Variants in UNC13B observed in about 807,000 individuals in gnomAD.
The protein encoded by UNC13B is unc-13 homolog B.
In UNC13B, 144 loss-of-function variants were observed where a neutral mutation model predicts 211.0. The observed-to-expected ratio is 0.68, with a 90% CI of 0.60 to 0.78. The LOEUF is 0.78. UNC13B is among the 30% of genes least tolerant of loss of function. UNC13B has a pLI of 0.00. For synonymous variants in UNC13B, 709 were observed against 725.8 expected, an observed-to-expected ratio of 0.98 and a Z score of 0.37; for missense variants, 1,777 against 2,002.0, an observed-to-expected ratio of 0.89 and a Z score of 2.14.
intron 37 of UNC13B, among the ~76,000 whole-genome samples, chr9:35,402,267 G>C (rs1280037443): frequency 6.6e-6 from 1 of 151,428 alleles, no homozygotes; most frequent in African/African-American, 2.4e-5. Flanking sequence ...GATTGTGGTG[G>C]TGTTTTCTTT....
At position 35,402,091 on chromosome 9, in the gene UNC13B, G is replaced by T; in HGVS notation, c.12485-1076G>T. ...CTAGAATGAGCAACTCGTGCTGGGG[G>T]TGGGGGAACAAGCTGTCAAGGTTTA... is the stretch of plus-strand genomic sequence containing the variant. On this transcript the variant is annotated intron_variant, in intron 37 of 39. Transcript: ENST00000635942. The T allele has an allele frequency of 4.5e-6, 6 of 1,333,152 alleles. No homozygotes were observed. In the South Asian group the frequency reaches 7.7e-5, roughly 17 times the overall value. 82.6% of individuals were successfully genotyped at this position (1,333,152 alleles called of 1,614,324 possible). A position where few individuals can be genotyped will look rare whatever the true frequency, so the allele number is the denominator to read the frequency against.
intron 1 of UNC13B, among the ~76,000 whole-genome samples, chr9:35,206,831 G>A (rs566403723): frequency 6.9e-5 from 10 of 145,236 alleles, no homozygotes; most frequent in East Asian, 2.0e-4. Context: ...CTGAGATCGC[G>A]CCACTGCACT....
rs556687609 is a variant in UNC13B at position 35,335,694 on chromosome 9, C to CT, written c.9414+21720dup. Among the ~76,000 whole-genome samples the CT allele has an allele frequency of 2.2e-3, 305 of 139,502 alleles. 1 individual carries two copies. The highest frequency in any genetic ancestry group is 4.4e-3 in the African/African-American group (170 of 38,374). 91.5% of individuals were successfully genotyped at this position (139,502 alleles called of 152,430 possible). ...CTCTAAAATATTCTTCCTTCTTGGCCTTTTTTTTTTTTTTTAAAGGGGTCT... is the reference window on the plus strand; with the variant it reads ...CTCTAAAATATTCTTCCTTCTTGGCCTTTTTTTTTTTTTTTTAAAGGGGTCT... On this transcript the variant is annotated intron_variant, in intron 11 of 39. Coordinates refer to ENST00000635942, the MANE Select transcript of UNC13B (RefSeq NM_001371189.2).
intron 7 of UNC13B, among the ~76,000 whole-genome samples, chr9:35,292,278 G>T (rs948433723): frequency 3.3e-5 from 5 of 152,108 alleles, no homozygotes; most frequent in African/African-American, 1.2e-4. Context: ...TGTGCTTGGA[G>T]GCCCATCTTT....
chr9:35,318,038 C>T (rs1173631792), intron 11 of UNC13B, among the ~76,000 whole-genome samples: 1 of 149,228 alleles, frequency 6.7e-6, no homozygotes, highest in African/African-American at 2.5e-5. Context: ...AAGTTATGGC[C>T]TTTTCTTTTT....
intron 12 of UNC13B, among the ~76,000 whole-genome samples, chr9:35,369,752 G>C (rs1448780725): frequency 1.3e-5 from 2 of 152,136 alleles, no homozygotes; most frequent in Non-Finnish European, 2.9e-5. Context: ...TTGATTATGA[G>C]GGCTCCTTTC....
intron 7 of UNC13B, among the ~76,000 whole-genome samples, chr9:35,287,324 G>T (rs1828856091): frequency 6.6e-6 from 1 of 151,850 alleles, no homozygotes; most frequent in Non-Finnish European, 1.5e-5. Context: ...GTAGAGACAG[G>T]TTTCACCATG....
intron 32 of UNC13B, 96 bp from the exon 33 acceptor site, chr9:35,398,786 C>T: frequency 6.4e-7 from 1 of 1,570,780 alleles, no homozygotes; most frequent in Non-Finnish European, 8.7e-7. Context: ...TGGAAATGCA[C>T]CATGAGCATA....
At chr9:35,191,518 A>G in intron 1 of UNC13B, among the ~76,000 whole-genome samples, 1 of 152,210 alleles carries the variant, frequency 6.6e-6, no homozygotes, top group East Asian at 1.9e-4. Flanking sequence ...AACTAGCCAC[A>G]AAATGAGAAA....
intron 7 of UNC13B, among the ~76,000 whole-genome samples, chr9:35,281,730 A>G (rs1828507559): frequency 1.3e-5 from 2 of 152,206 alleles, no homozygotes; most frequent in Admixed American, 1.3e-4. Flanking sequence ...TGCCCTAAAA[A>G]TCTTCTGTAG....
Position 35,304,896 on chromosome 9 carries a change from C to G in UNC13B, c.5492C>G (p.Pro1831Arg), listed in dbSNP as rs117289530. 1.3e-5 allele frequency: 5 copies of G among 398,736 alleles called. No individual in the cohort carries two copies. The highest frequency in any genetic ancestry group is 4.4e-5 in the Admixed American group (1 of 22,696). 24.7% of individuals were successfully genotyped at this position (398,736 alleles called of 1,614,324 possible). The stretch of plus-strand genomic sequence containing the variant: ...CAGATAGTATCCAATGTTCAGCATC[C>G]AGAATTGATCAAAAATATAAGGCAA... ...ERQIVSNVQH[P>R]ELIKNIRQEF... The change falls in exon 9 of 40, where the codon CCA becomes CGA. Residue 1831 changes from proline to arginine, a missense_variant. Coordinates refer to ENST00000635942, the MANE Select transcript of UNC13B (RefSeq NM_001371189.2).
intron 6 of UNC13B, among the ~76,000 whole-genome samples, chr9:35,249,480 G>A (rs1026859681): frequency 4.6e-5 from 7 of 152,144 alleles, no homozygotes; most frequent in Middle Eastern, 3.2e-3. Flanking sequence ...GCATGTTTTT[G>A]CAGTGGCTGG....
chr9:35,310,450 T>G lies in UNC13B; in HGVS notation c.9009-17T>G. On this transcript the variant is annotated splice_polypyrimidine_tract_variant and intron_variant, in intron 9 of 39. Transcript: ENST00000635942. The stretch of plus-strand genomic sequence containing the variant: ...ATTGCATTTATTTACTTATCTGTCT[T>G]TCTGTCATTCTCACAGCCCCACCAG... The G allele has an allele frequency of 6.2e-7, 1 of 1,609,942 alleles. No homozygotes were observed. The highest frequency in any genetic ancestry group is 8.5e-7 in the Non-Finnish European group (1 of 1,176,860).
intron 7 of UNC13B, among the ~76,000 whole-genome samples, chr9:35,266,746 A>G (rs1191023628): frequency 1.3e-5 from 2 of 152,154 alleles, no homozygotes; most frequent in Non-Finnish European, 2.9e-5. Flanking sequence ...TTTTTGTCTC[A>G]TTTGGTAACT....
At chr9:35,398,360 C>T in intron 31 of UNC13B, 72 bp downstream of exon 31, 1 of 1,517,280 alleles carries the variant, frequency 6.6e-7, no homozygotes, top group African/African-American at 1.4e-5. Flanking sequence ...GAACTCCACC[C>T]TCTCTTAACT....
At chr9:35,216,798 C>T (rs1441264003) in intron 1 of UNC13B, among the ~76,000 whole-genome samples, 1 of 152,100 alleles carries the variant, frequency 6.6e-6, no homozygotes, top group Non-Finnish European at 1.5e-5. Context: ...TGTAAATAGT[C>T]TAAACACACA....
intron 1 of UNC13B, among the ~76,000 whole-genome samples, chr9:35,199,471 C>T (rs1165431374): frequency 2.0e-5 from 3 of 152,120 alleles, no homozygotes; most frequent in African/African-American, 4.8e-5. Context: ...AGTGTAAAAG[C>T]ATTCCTATTT....
intron 2 of UNC13B, among the ~76,000 whole-genome samples, chr9:35,228,703 AGTGT>A (rs56971215): frequency 0.12 from 16,910 of 140,342 alleles, 1,165 homozygotes; most frequent in African/African-American, 0.25. Flanking sequence ...ACATCATGAA[AGTGT>A]GTGTGTGTGT....
chr9:35,324,321 A>C (rs1830893546), intron 11 of UNC13B, among the ~76,000 whole-genome samples: 1 of 152,246 alleles, frequency 6.6e-6, no homozygotes, highest in African/African-American at 2.4e-5. Context: ...AGAATTCAAC[A>C]GAGCACAAAG....
Sources: allele counts gnomAD v4.1 joint callset (sites outside exome capture counted in the v4.1 genomes callset), GRCh38; gene constraint gnomAD v4.1.1; transcripts MANE v1.5; gene names NCBI Gene and HGNC (gene_info 2026-07-23, HGNC 2026-07-21).